PODNL1: variants seen among roughly 807,000 people sequenced by gnomAD.
PODNL1 encodes the protein podocan-like protein 1.
Under a neutral mutation model 45.1 loss-of-function variants are expected in PODNL1, and 50 were observed. The ratio of observed to expected loss-of-function variants is 1.11; its 90% confidence interval spans 0.88 to 1.40. The LOEUF (loss-of-function observed/expected upper bound fraction) is 1.40, where lower values mean the gene tolerates loss of function less well. PODNL1 is among the 40% of genes most tolerant of loss of function. The pLI is 0.00. For synonymous variants in PODNL1, 406 were observed against 372.5 expected, an observed-to-expected ratio of 1.09 and a Z score of -1.04; for missense variants, 788 against 793.3, an observed-to-expected ratio of 0.99 and a Z score of 0.08.
At chr19:13,952,817 C>A (rs1973128034) in intron 1 of PODNL1, among the ~76,000 whole-genome samples, 3 of 117,390 alleles carry the variant, frequency 2.6e-5, no homozygotes, top group African/African-American at 1.0e-4. Context: ...ATGGAGGGGG[C>A]TCAGTTGGGG....
upstream of PODNL1, among the ~76,000 whole-genome samples, chr19:13,942,428 C>G (rs1972684074): frequency 6.6e-6 from 1 of 152,176 alleles, no homozygotes; most frequent in South Asian, 2.1e-4. Context: ...GAGCCAATCC[C>G]TGGGGCCAGA....
chr19:13,934,288 C>G lies in PODNL1; in HGVS notation c.617G>C (p.Ser206Thr). The G allele has an allele frequency of 6.5e-7, 1 of 1,534,300 alleles. No individual in the cohort carries two copies. Among genetic ancestry groups the G allele is most frequent in the Non-Finnish European group, 8.8e-7 (1 of 1,142,446 alleles). ...GAGCCGCTCGAGTGAGGGCGGCAGG[C>G]TGGGCGGCAGGTAGCTGAGCTGGTT... ...SNNQLSYLPP[S>T]LPPSLERLHL... Residue 206 changes from serine to threonine, a missense_variant, in exon 6 of 10, where the codon AGC becomes ACC. Transcript: ENST00000588872.
chr19:13,936,058 GGGGCAGTGAAGGGACCCCA>G lies in PODNL1; in HGVS notation c.320-33_320-15del. The G allele has an allele frequency of 1.3e-6, 2 of 1,548,634 alleles. No individual in the cohort carries two copies. The highest frequency in any genetic ancestry group is 1.7e-6 in the Non-Finnish European group (2 of 1,146,758). Reference sequence around the variant, plus strand: ...CGTCAGGCAGGCCTGGGAGAGTAGGGGGGCAGTGAAGGGACCCCAGGCCTGTCTTGGGTGGAGGGGGAGT... The same window carrying G: ...CGTCAGGCAGGCCTGGGAGAGTAGGGGGCCTGTCTTGGGTGGAGGGGGAGT... On this transcript the variant is annotated splice_polypyrimidine_tract_variant and intron_variant, in intron 3 of 9. Coordinates refer to ENST00000588872, the MANE Select transcript of PODNL1 (RefSeq NM_001370095.3).
At chr19:13,953,103 C>T in intron 1 of PODNL1, 1 of 1,550,660 alleles carries the variant, frequency 6.4e-7, no homozygotes, top group Non-Finnish European at 8.7e-7. Flanking sequence ...CACACATGAG[C>T]TGGGAGTTCC....
Position 13,933,361 on chromosome 19 carries a change from C to T in PODNL1, c.862G>A (p.Gly288Ser). The part of the protein sequence containing the change: ...LPRTLAILHL[G>S]RNRIRQVEAA... ...TCCACCTGCCGGATGCGGTTGCGGC[C>T]CAGGTGCAGGATAGCCAGGGTCCGG... Residue 288 changes from glycine (G) to serine (S), a missense_variant, in exon 8 of 10, where the codon GGC becomes AGC. Coordinates refer to ENST00000588872, the MANE Select transcript of PODNL1 (RefSeq NM_001370095.3). This position sits in a 1 kb window ranked among gnomAD's most constrained non-coding sequence, Gnocchi z 5.2. 1 of 1,607,984 alleles carries T rather than the reference C, an allele frequency of 6.2e-7. No individual in the cohort carries two copies. Among genetic ancestry groups the T allele is most frequent in the Non-Finnish European group, 8.5e-7 (1 of 1,179,154 alleles).
chr19:13,934,378 T>C lies in PODNL1; in HGVS notation c.527A>G (p.Asn176Ser). ...SVYLHNNQLSNAGLPPDAFRG... is the reference protein window; with the variant it reads ...SVYLHNNQLSSAGLPPDAFRG... The stretch of plus-strand genomic sequence containing the variant: ...GAAGGCGTCGGGGGGCAGGCCAGCG[T>C]TGCTCAGCTGGTTGTTGTGGAGGTA... Residue 176 changes from asparagine to serine, a missense_variant, in exon 6 of 10, where the codon AAC (asparagine) becomes AGC (serine). Asn to Ser is a conservative substitution (Grantham distance 46). Transcript: ENST00000588872. 1.3e-6 allele frequency: 2 copies of C among 1,552,004 alleles called. No individual in the cohort carries two copies. The highest frequency in any genetic ancestry group is 1.7e-6 in the Non-Finnish European group (2 of 1,150,102).
Position 13,933,021 on chromosome 19 carries a change from C to G in PODNL1, c.1202G>C (p.Arg401Pro), listed in dbSNP as rs372744579. The change falls in exon 8 of 10, where the codon CGT becomes CCT. Residue 401 changes from arginine (R) to proline (P), a missense_variant. Physicochemically the swap from Arg to Pro is moderately radical, Grantham distance 103. This residue lies in a region of PODNL1 where 762 missense variants were observed against 750.9 expected (regional missense o/e 1.01). Coordinates refer to ENST00000588872, the MANE Select transcript of PODNL1 (RefSeq NM_001370095.3). The surrounding 1 kb of genome is among the most constrained non-coding windows in gnomAD (Gnocchi z 5.2). Reference protein sequence around the residue: ...RVHHRAFRRLRALRSLDLAGN... With the variant: ...RVHHRAFRRLPALRSLDLAGN... Reference sequence around the variant, plus strand: ...TGCCAGGTCGAGGCTGCGCAGGGCACGCAACCGGCGGAAGGCCCGGTGGTG... The same window carrying G: ...TGCCAGGTCGAGGCTGCGCAGGGCAGGCAACCGGCGGAAGGCCCGGTGGTG... 1 of 1,538,940 alleles carries G rather than the reference C, an allele frequency of 6.5e-7. No homozygotes were observed.
intron 1 of PODNL1, among the ~76,000 whole-genome samples, chr19:13,946,997 G>C (rs975241844): frequency 1.4e-5 from 2 of 145,786 alleles, no homozygotes; most frequent in African/African-American, 5.1e-5. Flanking sequence ...GCTACAGTGA[G>C]CTATGATCAC....
intron 1 of PODNL1, among the ~76,000 whole-genome samples, chr19:13,949,102 G>A (rs985826598): frequency 6.6e-6 from 1 of 151,822 alleles, no homozygotes; most frequent in Non-Finnish European, 1.5e-5. Context: ...TGGGATCATA[G>A]GAGCCCACCA....
intron 5 of PODNL1, 100 bp from the exon 6 acceptor site, chr19:13,934,510 T>A: frequency 9.3e-7 from 1 of 1,077,524 alleles, no homozygotes; most frequent in South Asian, 1.8e-5. Context: ...TGTGTGTGTG[T>A]GTGTGTGTGT....
chr19:13,953,097 C>G (rs1293155679), intron 1 of PODNL1: 8 of 1,550,784 alleles, frequency 5.2e-6, no homozygotes, highest in Non-Finnish European at 7.0e-6. Context: ...CCCGACCACA[C>G]ATGAGCTGGG....
At position 13,933,729 on chromosome 19, in the gene PODNL1, C is replaced by T; in HGVS notation, c.767+149G>A. ...AGTGCAGGGCTGTGGGGAACAGGGA[C>T]ACCTACCCAGTGCTCTGCCGAGCCC... is the stretch of plus-strand genomic sequence containing the variant. On this transcript the variant is annotated intron_variant, in intron 7 of 9. Transcript: ENST00000588872. This position sits in a 1 kb window ranked among gnomAD's most constrained non-coding sequence, Gnocchi z 5.2. The T allele has an allele frequency of 5.6e-6, 4 of 718,428 alleles. No individual in the cohort carries two copies. In the South Asian group the frequency reaches 7.1e-5, roughly 13 times the overall value. 44.5% of individuals were successfully genotyped at this position (718,428 alleles called of 1,614,324 possible).
chr19:13,937,550 C>T (rs1972456921), intron 2 of PODNL1, among the ~76,000 whole-genome samples: 1 of 151,820 alleles, frequency 6.6e-6, no homozygotes, highest in Admixed American at 6.6e-5. Context: ...TTGACCCTAA[C>T]ACCACTAATC....
In PODNL1 at chr19:13,933,672, G is replaced by A. The variant is rs1479463028; in HGVS notation, c.767+206C>T. Among the ~76,000 whole-genome samples, 14 of 152,128 alleles carry A rather than the reference G, an allele frequency of 9.2e-5. No individual in the cohort carries two copies. Among genetic ancestry groups the A allele is most frequent in the Admixed American group, 8.5e-4 (13 of 15,256 alleles). ...CTATGGGGGTGACCAGGGTAGAGCC[G>A]AGATGGAAAGGCATGTGAGACTTAC... On this transcript the variant is annotated intron_variant, in intron 7 of 9. Transcript: ENST00000588872. This position sits in a 1 kb window ranked among gnomAD's most constrained non-coding sequence, Gnocchi z 5.2.
In PODNL1 at chr19:13,933,886, G is replaced by A. The variant is rs942571919; in HGVS notation, c.759C>T (p.Thr253=). 3.7e-6 allele frequency: 6 copies of A among 1,605,792 alleles called. No individual in the cohort carries two copies. Among genetic ancestry groups the A allele is most frequent in the Admixed American group, 1.7e-5 (1 of 59,026 alleles). ...NQLTDSGLDA[T]TFSKLHSLEY... is the part of the protein sequence containing the mutation. ...CCCCAACCAGCCTGTACCTGAAGGT[G>A]GTGGCATCCAGGCCACTGTCTGTCA... The change falls in exon 7 of 10, where the codon ACC becomes ACT. Residue 253 remains threonine (T), a synonymous_variant. Transcript: ENST00000588872. This position sits in a 1 kb window ranked among gnomAD's most constrained non-coding sequence, Gnocchi z 5.2.
At chr19:13,936,180 C>T (rs1377947499) in intron 3 of PODNL1, 136 bp from the exon 4 acceptor site, 3 of 932,410 alleles carry the variant, frequency 3.2e-6, no homozygotes, top group Non-Finnish European at 4.9e-6. Flanking sequence ...CCCTCCTCCC[C>T]ATCCCTACTC....
chr19:13,947,673 G>A (rs1972868317), intron 1 of PODNL1, among the ~76,000 whole-genome samples: 1 of 151,986 alleles, frequency 6.6e-6, no homozygotes. Context: ...CAACTGACTT[G>A]GGCCAAACTG....
chr19:13,945,884 A>G (rs914726059), intron 1 of PODNL1, among the ~76,000 whole-genome samples: 2 of 15,690 alleles, frequency 1.3e-4, no homozygotes, highest in African/African-American at 1.9e-4. Flanking sequence ...GCGAGACTCC[A>G]TTAAAAAAAA....
At chr19:13,940,079 C>T (rs890514467), upstream of PODNL1, 2 of 152,020 alleles carry the variant, frequency 1.3e-5, no homozygotes, top group South Asian at 4.2e-4. Context: ...ATGACAAACC[C>T]CCCCCCTCAA....
Sources: gnomAD v4.1 joint callset for allele counts (sites outside exome capture counted in the v4.1 genomes callset) on GRCh38, gnomAD v4.1.1 for gene constraint, gnomAD v4.1.1 regional missense constraint, Gnocchi (gnomAD v3.1) non-coding constraint, MANE v1.5 for transcripts, NCBI Gene and HGNC (gene_info 2026-07-23, HGNC 2026-07-21) for gene names.